Variants in SND1 observed in about 807,000 individuals in gnomAD.
The protein encoded by SND1 is staphylococcal nuclease and tudor domain containing 1, also known as staphylococcal nuclease domain-containing protein 1.
In SND1, 38 loss-of-function variants were observed where a neutral mutation model predicts 121.7. That is an observed-to-expected ratio of 0.31 (90% CI 0.24 to 0.41). The LOEUF is 0.41. Ranked by LOEUF, SND1 falls within the 10% of genes least tolerant of loss-of-function variation. The pLI is 1.00. For synonymous variants in SND1, 401 were observed against 447.4 expected (o/e 0.90, Z 1.31); for missense variants, 868 against 1,184.6 (o/e 0.73, Z 3.92).
At chr7:127,900,521 TC>T (rs1162063205) in intron 13 of SND1, among the ~76,000 whole-genome samples, 1 of 152,220 alleles carries the variant, frequency 6.6e-6, no homozygotes, top group Non-Finnish European at 1.5e-5. Context: ...GGAGATGATC[TC>T]CCTGCAAAAA....
chr7:127,881,962 TG>T (rs567993545), intron 12 of SND1, among the ~76,000 whole-genome samples: 2 of 152,096 alleles, frequency 1.3e-5, no homozygotes, highest in Non-Finnish European at 2.9e-5. Context: ...TTAAAGCAGT[TG>T]GGGCAGAGGC....
At chr7:127,789,010 A>C (rs559199084) in intron 10 of SND1, among the ~76,000 whole-genome samples, 1 of 152,178 alleles carries the variant, frequency 6.6e-6, no homozygotes, top group Non-Finnish European at 1.5e-5. Flanking sequence ...GTGCCTTCTA[A>C]TTTTTCTCTC....
intron 1 of SND1, among the ~76,000 whole-genome samples, chr7:127,664,257 T>A (rs1795370574): frequency 6.6e-6 from 1 of 152,178 alleles, no homozygotes; most frequent in Non-Finnish European, 1.5e-5. Context: ...ATTACAGGCG[T>A]GAGCCACTCT....
At chr7:127,742,704 G>A (rs181065216) in intron 10 of SND1, among the ~76,000 whole-genome samples, 8 of 152,190 alleles carry the variant, frequency 5.3e-5, no homozygotes, top group Middle Eastern at 3.4e-3. Flanking sequence ...TTAGTTCATC[G>A]GGTGGTTTCT....
chr7:127,718,187 G>C (rs1253135525), intron 9 of SND1, among the ~76,000 whole-genome samples: 1 of 152,064 alleles, frequency 6.6e-6, no homozygotes, highest in Non-Finnish European at 1.5e-5. Flanking sequence ...GCGTGCATGG[G>C]GTTGGCTTGA....
At chr7:127,685,462 A>G (rs1351095980) in intron 1 of SND1, among the ~76,000 whole-genome samples, 1 of 152,224 alleles carries the variant, frequency 6.6e-6, no homozygotes, top group East Asian at 1.9e-4. Context: ...TAGTGAAGCC[A>G]GGGCATGAGC....
intron 10 of SND1, among the ~76,000 whole-genome samples, chr7:127,743,672 C>T (rs566133386): frequency 3.9e-5 from 6 of 152,134 alleles, no homozygotes; most frequent in Non-Finnish European, 8.8e-5. Flanking sequence ...GAGATGGTCA[C>T]CTTATTCCTT....
At chr7:127,896,532 A>T (rs1250827224) in intron 13 of SND1, among the ~76,000 whole-genome samples, 1 of 152,114 alleles carries the variant, frequency 6.6e-6, no homozygotes, top group Non-Finnish European at 1.5e-5. Context: ...TCTGATGCAC[A>T]CTAAAATTTG....
At chr7:127,962,178 T>G (rs1156531494) in intron 15 of SND1, among the ~76,000 whole-genome samples, 1 of 152,142 alleles carries the variant, frequency 6.6e-6, no homozygotes, top group Non-Finnish European at 1.5e-5. Context: ...CTCTCTCTGC[T>G]TGGAATTGCT....
At chr7:127,903,334 T>C (rs574220437) in intron 13 of SND1, among the ~76,000 whole-genome samples, 94 of 152,304 alleles carry the variant, frequency 6.2e-4, no homozygotes, top group African/African-American at 2.1e-3. Context: ...CCATTTGCCA[T>C]TTCTAAAGCT....
At chr7:128,079,641 C>T (rs1014403178) in intron 17 of SND1, among the ~76,000 whole-genome samples, 3 of 152,244 alleles carry the variant, frequency 2.0e-5, no homozygotes, top group Non-Finnish European at 2.9e-5. Flanking sequence ...AGTGGAAGAA[C>T]ACACGCTCAG....
intron 15 of SND1, among the ~76,000 whole-genome samples, chr7:127,969,497 G>A (rs978256035): frequency 3.3e-5 from 5 of 152,130 alleles, no homozygotes; most frequent in Admixed American, 2.0e-4. Context: ...AGGCCGAGGC[G>A]GGCAGATCAC....
chr7:128,084,581 G>T (rs546124554), intron 18 of SND1, 143 bp from the exon 19 acceptor site: 4 of 778,088 alleles, frequency 5.1e-6, no homozygotes, highest in East Asian at 3.2e-5. Context: ...GGGCTTCCCC[G>T]CATGGGTTGG....
At chr7:127,662,890 CTTTTT>C (rs34629378) in intron 1 of SND1, among the ~76,000 whole-genome samples, 3 of 122,516 alleles carry the variant, frequency 2.4e-5, no homozygotes, top group East Asian at 2.2e-4. Flanking sequence ...CCTCTTTTAT[CTTTTT>C]TTTTTTTTTT....
chr7:127,933,038 G>C (rs1437085732), intron 15 of SND1, among the ~76,000 whole-genome samples: 1 of 152,160 alleles, frequency 6.6e-6, no homozygotes, highest in Non-Finnish European at 1.5e-5. Context: ...GCAATGTAGA[G>C]CTTTATCCCA....
intron 12 of SND1, among the ~76,000 whole-genome samples, chr7:127,871,242 G>A (rs960033502): frequency 2.6e-5 from 4 of 152,076 alleles, no homozygotes; most frequent in African/African-American, 7.2e-5. Context: ...TTAAGTGGAA[G>A]GCATGCACTC....
At chr7:127,666,975 A>G (rs1001983791) in intron 1 of SND1, among the ~76,000 whole-genome samples, 7 of 152,198 alleles carry the variant, frequency 4.6e-5, no homozygotes, top group East Asian at 1.9e-4. Context: ...TAATTCAGCA[A>G]TAATGGACTT....
At chr7:127,717,386 A>G (rs542322875) in intron 9 of SND1, among the ~76,000 whole-genome samples, 4 of 152,144 alleles carry the variant, frequency 2.6e-5, no homozygotes, top group South Asian at 2.1e-4. Flanking sequence ...GACTTTGACA[A>G]TCTTGAAGTA....
intron 14 of SND1, among the ~76,000 whole-genome samples, chr7:127,919,933 C>A (rs897928604): frequency 6.6e-6 from 1 of 152,108 alleles, no homozygotes; most frequent in African/African-American, 2.4e-5. Flanking sequence ...GGAAGGTATA[C>A]CTCCCAGTGT....
Sources: gnomAD v4.1 joint callset for allele counts (sites outside exome capture counted in the v4.1 genomes callset) on GRCh38, gnomAD v4.1.1 for gene constraint, MANE v1.5 for transcripts, NCBI Gene and HGNC (gene_info 2026-07-23, HGNC 2026-07-21) for gene names.